CNTN6: variants seen among roughly 807,000 people sequenced by gnomAD.
The protein encoded by CNTN6 is contactin-6.
Under a neutral mutation model 122.8 loss-of-function variants are expected in CNTN6, and 137 were observed. That is an observed-to-expected ratio of 1.12 (90% CI 0.97 to 1.29). The LOEUF (loss-of-function observed/expected upper bound fraction) is 1.29, where lower values mean the gene tolerates loss of function less well. Among genes scored for constraint, CNTN6 ranks in the 50% most tolerant of loss-of-function variants. CNTN6 has a pLI of 0.00. For synonymous variants in CNTN6, 570 were observed against 426.0 expected (o/e 1.34, Z -4.16); for missense variants, 1,634 against 1,223.4 (o/e 1.34, Z -5.01).
At chr3:1,286,178 G>T (rs1179518788) in intron 5 of CNTN6, among the ~76,000 whole-genome samples, 1 of 152,176 alleles carries the variant, frequency 6.6e-6, no homozygotes, top group Non-Finnish European at 1.5e-5. Context: ...ATGTTGGGGA[G>T]ATAGGAAGTA....
At chr3:1,264,628 A>G (rs2094898416) in intron 4 of CNTN6, among the ~76,000 whole-genome samples, 1 of 152,160 alleles carries the variant, frequency 6.6e-6, no homozygotes, top group Non-Finnish European at 1.5e-5. Flanking sequence ...AAAATGTGGT[A>G]TTTTGATGTA....
chr3:1,167,491 A>G (rs957256025), intron 2 of CNTN6, among the ~76,000 whole-genome samples: 1 of 152,230 alleles, frequency 6.6e-6, no homozygotes, highest in Non-Finnish European at 1.5e-5. Context: ...TAGCAAGCAC[A>G]TATTAAAATA....
At chr3:1,307,807 A>G (rs1014447543) in intron 7 of CNTN6, among the ~76,000 whole-genome samples, 1 of 152,124 alleles carries the variant, frequency 6.6e-6, no homozygotes, top group Non-Finnish European at 1.5e-5. Flanking sequence ...CTGGGGTTAC[A>G]AGTTTTGGAG....
intron 11 of CNTN6, among the ~76,000 whole-genome samples, chr3:1,337,733 T>A (rs1335080592): frequency 6.6e-6 from 1 of 152,112 alleles, no homozygotes; most frequent in Non-Finnish European, 1.5e-5. Flanking sequence ...TTGTTCATAC[T>A]CAACTCCTGA....
At chr3:1,148,786 G>C (rs2092777108) in intron 2 of CNTN6, among the ~76,000 whole-genome samples, 1 of 152,120 alleles carries the variant, frequency 6.6e-6, no homozygotes, top group Admixed American at 6.6e-5. Context: ...GTTTTTGCCT[G>C]GGTGCACTGC....
At chr3:1,350,528 T>C (rs1705460352) in intron 11 of CNTN6, among the ~76,000 whole-genome samples, 1 of 151,832 alleles carries the variant, frequency 6.6e-6, no homozygotes, top group African/African-American at 2.4e-5. Flanking sequence ...TAGGATTTCA[T>C]AGAAATAATC....
chr3:1,278,014 T>C (rs6442316), intron 4 of CNTN6, among the ~76,000 whole-genome samples: 130,185 of 152,132 alleles, frequency 0.86, 56,254 homozygotes, highest in African/African-American at 0.93. Context: ...TAGATGCCAG[T>C]CACACTTTAA....
intron 5 of CNTN6, among the ~76,000 whole-genome samples, chr3:1,282,749 C>G (rs1693686612): frequency 6.6e-6 from 1 of 152,210 alleles, no homozygotes; most frequent in Non-Finnish European, 1.5e-5. Context: ...TAGGCTGTGA[C>G]TTCCCACATC....
chr3:1,372,436 T>G lies in CNTN6; in HGVS notation c.1630T>G (p.Leu544Val). The change falls in exon 13 of 23, where the codon TTA becomes GTA. Residue 544 changes from leucine (L) to valine (V), a missense_variant. Coordinates refer to ENST00000446702, the MANE Select transcript of CNTN6 (RefSeq NM_001289080.2). ...VWFFNGDVID[L>V]KKGVAHFERI... The stretch of plus-strand genomic sequence containing the variant: ...GTTTTTCAATGGAGATGTCATAGAC[T>G]TAAAAAAAGGAGTGGCTCATTTTGA... The G allele has an allele frequency of 6.2e-7, 1 of 1,611,470 alleles. No homozygotes were observed. Among genetic ancestry groups the G allele is most frequent in the South Asian group, 1.1e-5 (1 of 90,554 alleles).
chr3:1,285,989 A>G (rs974108346), intron 5 of CNTN6, among the ~76,000 whole-genome samples: 3 of 152,082 alleles, frequency 2.0e-5, no homozygotes, highest in African/African-American at 7.2e-5. Context: ...TAGAAAGTTT[A>G]TTTCTTTAAG....
intron 4 of CNTN6, among the ~76,000 whole-genome samples, chr3:1,233,900 G>A (rs746126140): frequency 1.3e-5 from 2 of 151,964 alleles, no homozygotes; most frequent in African/African-American, 2.4e-5. Context: ...TGGAGTGAAC[G>A]AATTCTTGCA....
At position 1,187,084 on chromosome 3, in the gene CNTN6, A is replaced by G. The variant is rs9849314; in HGVS notation, c.56-33603A>G. Among the ~76,000 whole-genome samples, 692 of 152,258 alleles carry G rather than the reference A, an allele frequency of 4.5e-3. 5 individuals are homozygous for G. Among genetic ancestry groups the G allele is most frequent in the African/African-American group, 0.016 (647 of 41,564 alleles). ...GAGGATTTTTACCTATTTTATCCAC[A>G]TAGAATGGCTTGCGAAAAGCCTTTG... On this transcript the variant is annotated intron_variant, in intron 2 of 22. Coordinates refer to ENST00000446702, the MANE Select transcript of CNTN6 (RefSeq NM_001289080.2).
chr3:1,253,721 A>C (rs769213211), intron 4 of CNTN6, among the ~76,000 whole-genome samples: 8 of 152,134 alleles, frequency 5.3e-5, no homozygotes, highest in Non-Finnish European at 7.3e-5. Flanking sequence ...ATAAGGATCT[A>C]ACACCGCTGT....
intron 19 of CNTN6, among the ~76,000 whole-genome samples, chr3:1,384,772 C>CATATATATATATATATATATAT (rs66929153): frequency 8.3e-6 from 1 of 120,922 alleles, no homozygotes; most frequent in East Asian, 2.3e-4. Context: ...TATATATACA[C>CATATATATATATATATATATAT]ATATATATAT....
At chr3:1,276,358 C>A (rs4538358) in intron 4 of CNTN6, among the ~76,000 whole-genome samples, 8,211 of 152,178 alleles carry the variant, frequency 0.054, 221 homozygotes, top group African/African-American at 0.069. Flanking sequence ...TTAGATTTGA[C>A]GTATTCTTTC....
At chr3:1,275,127 C>T (rs554207415) in intron 4 of CNTN6, among the ~76,000 whole-genome samples, 3 of 152,276 alleles carry the variant, frequency 2.0e-5, no homozygotes, top group Middle Eastern at 3.4e-3. Context: ...CTCATTATCA[C>T]CCTTCAGGCT....
At chr3:1,282,024 G>A (rs1278564579) in intron 5 of CNTN6, among the ~76,000 whole-genome samples, 1 of 151,618 alleles carries the variant, frequency 6.6e-6, no homozygotes, top group East Asian at 1.9e-4. Flanking sequence ...CTTTATAGGA[G>A]AGTAAGAAAA....
intron 7 of CNTN6, among the ~76,000 whole-genome samples, chr3:1,302,506 A>G (rs1697599881): frequency 1.3e-5 from 2 of 152,142 alleles, no homozygotes. Flanking sequence ...GAGAAGAGGG[A>G]GGAAGGAAAT....
intron 5 of CNTN6, among the ~76,000 whole-genome samples, chr3:1,279,361 T>C (rs2125794277): frequency 9.3e-6 from 1 of 107,844 alleles, no homozygotes; most frequent in South Asian, 3.4e-4. Flanking sequence ...TGGAGTCATT[T>C]GGTACAAACC....
Sources: gnomAD v4.1 joint callset for allele counts (sites outside exome capture counted in the v4.1 genomes callset) on GRCh38, gnomAD v4.1.1 for gene constraint, MANE v1.5 for transcripts, NCBI Gene and HGNC (gene_info 2026-07-23, HGNC 2026-07-21) for gene names.